Variants in DGKG observed in about 807,000 individuals in gnomAD.
DGKG encodes DAG kinase gamma.
A neutral mutation model predicts 105.3 loss-of-function variants in DGKG; 78 were observed. The ratio of observed to expected loss-of-function variants is 0.74; its 90% CI spans 0.62 to 0.89. DGKG has a LOEUF of 0.89. DGKG is among the 40% of genes least tolerant of loss of function. The pLI, the probability that DGKG is intolerant of heterozygous loss-of-function variation, is 0.00. For missense variants in DGKG, 958 were observed against 1,020.1 expected (o/e 0.94, Z 0.83); for synonymous variants, 346 against 367.1 (o/e 0.94, Z 0.66).
At chr3:186,353,263 C>T (rs1048621080) in intron 1 of DGKG, among the ~76,000 whole-genome samples, 2 of 152,094 alleles carry the variant, frequency 1.3e-5, no homozygotes, top group Non-Finnish European at 2.9e-5. Context: ...TGGCTCATTC[C>T]TGTAATCCCA....
intron 22 of DGKG, among the ~76,000 whole-genome samples, chr3:186,172,964 C>T (rs1406855538): frequency 6.6e-6 from 1 of 152,230 alleles, no homozygotes; most frequent in Non-Finnish European, 1.5e-5. Context: ...AGTCCAAGGT[C>T]AAAGTGCCAG....
intron 24 of DGKG, among the ~76,000 whole-genome samples, chr3:186,152,162 C>G (rs1715793391): frequency 6.6e-6 from 1 of 152,108 alleles, no homozygotes; most frequent in African/African-American, 2.4e-5. Context: ...TTAGCATAAC[C>G]TGGTGCTAAA....
chr3:186,303,615 C>G (rs1047713192), intron 3 of DGKG, among the ~76,000 whole-genome samples: 1 of 152,162 alleles, frequency 6.6e-6, no homozygotes, highest in Non-Finnish European at 1.5e-5. Context: ...GATCATAAAG[C>G]GTGTGGCAGA....
intron 19 of DGKG, among the ~76,000 whole-genome samples, chr3:186,246,572 T>A (rs1383072257): frequency 2.0e-5 from 3 of 152,146 alleles, no homozygotes; most frequent in Non-Finnish European, 4.4e-5. Flanking sequence ...AAATTGGGGT[T>A]GTTCTGAAAA....
intron 21 of DGKG, among the ~76,000 whole-genome samples, chr3:186,204,891 TGA>T (rs1208070168): frequency 6.6e-6 from 1 of 152,202 alleles, no homozygotes. Flanking sequence ...CAGCAGTGTC[TGA>T]GAGTTCCCAT....
At chr3:186,160,457 TA>T in intron 24 of DGKG, 1 of 985,436 alleles carries the variant, frequency 1.0e-6, no homozygotes, top group Non-Finnish European at 1.2e-6. Flanking sequence ...GGTGGAAAGC[TA>T]TTATTTGATA....
rs1249839645 is a variant in DGKG, at chr3:186,326,834, C to G, written c.-248-6127G>C. Among the ~76,000 whole-genome samples, 5 of 152,198 alleles carry G rather than the reference C, an allele frequency of 3.3e-5. No individual in the cohort carries two copies. The South Asian group carries it at 8.3e-4, about 25-fold the overall frequency. Reference sequence around the variant, plus strand: ...TTCTTCATATCCACTGATTCTTTTTCAGTATGGTTCCAAAGTCAAAACTAT... The same window carrying G: ...TTCTTCATATCCACTGATTCTTTTTGAGTATGGTTCCAAAGTCAAAACTAT... On this transcript the variant is annotated intron_variant, in intron 1 of 24. Coordinates refer to ENST00000265022, the MANE Select transcript of DGKG (RefSeq NM_001346.3).
At chr3:186,183,357 A>G (rs1195428298) in intron 22 of DGKG, among the ~76,000 whole-genome samples, 1 of 152,236 alleles carries the variant, frequency 6.6e-6, no homozygotes, top group African/African-American at 2.4e-5. Context: ...TCGGGTTAGG[A>G]TTACACTAAG....
rs758000227 is a variant in DGKG, at chr3:186,226,758, C to T, written c.1827-14873G>A. ...GCCCACTTTCAGGATTAAAGGGACA[C>T]TCCATTTAACAGAATAGAAAACATC... On this transcript the variant is annotated intron_variant, in intron 20 of 24. Coordinates refer to ENST00000265022, the MANE Select transcript of DGKG (RefSeq NM_001346.3). The surrounding 1 kb of genome is among the most constrained non-coding windows in gnomAD (Gnocchi z 4.2). Among the ~76,000 whole-genome samples, 6 of 152,166 alleles carry T rather than the reference C, an allele frequency of 3.9e-5. No homozygotes were observed. Among genetic ancestry groups the T allele is most frequent in the Non-Finnish European group, 8.8e-5 (6 of 68,040 alleles).
At chr3:186,293,558 C>T (rs1382493263) in intron 5 of DGKG, among the ~76,000 whole-genome samples, 1 of 152,194 alleles carries the variant, frequency 6.6e-6, no homozygotes, top group East Asian at 1.9e-4. Context: ...CTTTCCTGAG[C>T]TGACACTCTG....
chr3:186,297,415 A>T lies in DGKG; in HGVS notation c.373+6T>A, dbSNP rs377633578. 738 of 1,607,916 alleles carry T rather than the reference A, an allele frequency of 4.6e-4. No individual in the cohort carries two copies. Among genetic ancestry groups the T allele is most frequent in the Non-Finnish European group, 5.7e-4 (673 of 1,174,486 alleles). ...TTCCCACAAGTCTTATATTCCAAAG[A>T]CTTACCAGTATCAGGGGCACAGGCC... On this transcript the variant is annotated splice_donor_region_variant and intron_variant, in intron 5 of 24. Coordinates refer to ENST00000265022, the MANE Select transcript of DGKG (RefSeq NM_001346.3).
At chr3:186,251,095 G>T (rs1721202696) in intron 19 of DGKG, among the ~76,000 whole-genome samples, 1 of 149,348 alleles carries the variant, frequency 6.7e-6, no homozygotes, top group East Asian at 1.9e-4. Context: ...GGGAGTGTGT[G>T]TGTGTGCATG....
At chr3:186,214,713 G>C (rs967733998) in intron 20 of DGKG, among the ~76,000 whole-genome samples, 1 of 152,174 alleles carries the variant, frequency 6.6e-6, no homozygotes, top group Non-Finnish European at 1.5e-5. Flanking sequence ...CGGAGAAAGT[G>C]CATGTTTGGT....
At chr3:186,158,584 T>C in intron 24 of DGKG, 2 of 925,544 alleles carry the variant, frequency 2.2e-6, no homozygotes, top group Non-Finnish European at 2.6e-6. Flanking sequence ...AACTAGTTTA[T>C]GATCTAGTTT....
intron 17 of DGKG, among the ~76,000 whole-genome samples, chr3:186,255,551 G>A (rs1721425460): frequency 6.6e-6 from 1 of 152,238 alleles, no homozygotes; most frequent in Non-Finnish European, 1.5e-5. Flanking sequence ...GCCCTGAGGT[G>A]CAAGGGAGAC....
Position 186,299,841 on chromosome 3 carries a change from T to TTTCTTTCTTTCTTTCTTTCCTTC in DGKG, c.145-1613_145-1612insGAAGGAAAGAAAGAAAGAAAGAA, listed in dbSNP as rs1446531456. ...TCTTTCTTTCTTTCTTTCTTTCTTT[T>TTTCTTTCTTTCTTTCTTTCCTTC]TTTTTTTTTTTGAGATAGAGCCTTG... On this transcript the variant is annotated intron_variant, in intron 3 of 24. Transcript: ENST00000265022. Among the ~76,000 whole-genome samples the TTTCTTTCTTTCTTTCTTTCCTTC allele has an allele frequency of 1.0e-3, 75 of 74,660 alleles. 6 individuals are homozygous for TTTCTTTCTTTCTTTCTTTCCTTC. Among genetic ancestry groups the TTTCTTTCTTTCTTTCTTTCCTTC allele is most frequent in the African/African-American group, 4.3e-3 (73 of 17,086 alleles). The allele number at this position is 74,660 out of a possible 152,430, so 49.0% of individuals were successfully genotyped here.
chr3:186,284,814 C>CA lies in DGKG; in HGVS notation c.545-106_545-105insT. The CA allele has an allele frequency of 4.3e-6, 4 of 923,928 alleles. No homozygotes were observed. The highest frequency in any genetic ancestry group is 7.0e-6 in the Non-Finnish European group (4 of 571,122). 57.2% of individuals were successfully genotyped at this position (923,928 alleles called of 1,614,324 possible). ...TAGATTAGTTCTGTCACCACTGTGA[C>CA]GAAGGTTATGGCAGCCAGCTCTCCC... On this transcript the variant is annotated intron_variant, in intron 6 of 24. Coordinates refer to ENST00000265022, the MANE Select transcript of DGKG (RefSeq NM_001346.3). This position sits in a 1 kb window ranked among gnomAD's most constrained non-coding sequence, Gnocchi z 4.0.
chr3:186,331,770 G>A (rs538237563), intron 1 of DGKG, among the ~76,000 whole-genome samples: 43 of 152,284 alleles, frequency 2.8e-4, no homozygotes, highest in African/African-American at 1.0e-3. Flanking sequence ...CTGAGGATTG[G>A]TCATTCATTC....
At chr3:186,177,268 C>T (rs1460711555) in intron 22 of DGKG, among the ~76,000 whole-genome samples, 2 of 152,214 alleles carry the variant, frequency 1.3e-5, no homozygotes, top group Non-Finnish European at 2.9e-5. Context: ...ACTCCATGAA[C>T]AGTCTCCATC....
Sources: allele counts gnomAD v4.1 joint callset (sites outside exome capture counted in the v4.1 genomes callset), GRCh38; gene constraint gnomAD v4.1.1; non-coding constraint Gnocchi (gnomAD v3.1); transcripts MANE v1.5; gene names NCBI Gene and HGNC (gene_info 2026-07-23, HGNC 2026-07-21).